The following RALYL variants were observed in gnomAD, a reference collection of about 807,000 sequenced individuals.
The protein encoded by RALYL is RNA-binding Raly-like protein.
A neutral mutation model predicts 35.1 loss-of-function variants in RALYL; 29 were observed. The observed-to-expected ratio is 0.83, with a 90% CI of 0.61 to 1.13. The LOEUF is 1.13. RALYL is among the 50% of genes most tolerant of loss of function. RALYL has a pLI of 0.00. For synonymous variants in RALYL, 120 were observed against 127.6 expected, an observed-to-expected ratio of 0.94 and a Z score of 0.40; for missense variants, 359 against 360.4, an observed-to-expected ratio of 1.00 and a Z score of 0.03.
intron 1 of RALYL, among the ~76,000 whole-genome samples, chr8:84,328,876 G>T (rs1304295925): frequency 1.3e-5 from 2 of 152,156 alleles, no homozygotes; most frequent in East Asian, 3.9e-4. Flanking sequence ...TTCTGTTCCT[G>T]CATTGATTCG....
chr8:84,409,538 A>G (rs946889129), intron 1 of RALYL, among the ~76,000 whole-genome samples: 1 of 152,090 alleles, frequency 6.6e-6, no homozygotes, highest in Non-Finnish European at 1.5e-5. Context: ...CTCATTTAAT[A>G]TAATTGCACT....
At chr8:84,651,164 A>G (rs1828728587) in intron 2 of RALYL, among the ~76,000 whole-genome samples, 1 of 152,070 alleles carries the variant, frequency 6.6e-6, no homozygotes, top group Non-Finnish European at 1.5e-5. Context: ...TGGCACATGT[A>G]TGCATATGTA....
chr8:84,324,633 A>G (rs1374234259), intron 1 of RALYL, among the ~76,000 whole-genome samples: 1 of 151,308 alleles, frequency 6.6e-6, no homozygotes, highest in Non-Finnish European at 1.5e-5. Flanking sequence ...TTTTTTTAAA[A>G]AATTAATTTC....
chr8:84,375,993 C>T (rs113508926), intron 1 of RALYL, among the ~76,000 whole-genome samples: 14 of 151,774 alleles, frequency 9.2e-5, no homozygotes, highest in South Asian at 2.1e-4. Context: ...TAACATTTTC[C>T]GAAAGTGAAA....
intron 1 of RALYL, among the ~76,000 whole-genome samples, chr8:84,221,286 GGTGTGT>G (rs34244361): frequency 6.6e-6 from 1 of 150,574 alleles, no homozygotes; most frequent in African/African-American, 2.4e-5. Flanking sequence ...ATGGAAAGCG[GGTGTGT>G]GTGTGTGTGT....
intron 3 of RALYL, among the ~76,000 whole-genome samples, chr8:84,797,550 GT>G (rs1010954165): frequency 6.6e-6 from 1 of 151,912 alleles, no homozygotes; most frequent in Non-Finnish European, 1.5e-5. Context: ...CAGCCACATT[GT>G]TTTTTTCTAC....
intron 1 of RALYL, among the ~76,000 whole-genome samples, chr8:84,335,444 C>T (rs1043728527): frequency 3.9e-5 from 6 of 151,992 alleles, no homozygotes; most frequent in African/African-American, 1.4e-4. Context: ...GTTTCTTTTC[C>T]CTCAACAGCT....
intron 2 of RALYL, among the ~76,000 whole-genome samples, chr8:84,660,208 A>G (rs1830651396): frequency 6.6e-6 from 1 of 152,130 alleles, no homozygotes; most frequent in Admixed American, 6.5e-5. Flanking sequence ...TTATGTACAT[A>G]AAGTTGAGAA....
chr8:84,283,504 T>C (rs925582049), intron 1 of RALYL, among the ~76,000 whole-genome samples: 2 of 152,122 alleles, frequency 1.3e-5, no homozygotes, highest in African/African-American at 4.8e-5. Context: ...CCTGGAGAGG[T>C]AGCATCCATC....
At chr8:84,316,152 A>T (rs1843710858) in intron 1 of RALYL, among the ~76,000 whole-genome samples, 1 of 152,044 alleles carries the variant, frequency 6.6e-6, no homozygotes, top group Non-Finnish European at 1.5e-5. Flanking sequence ...CTTTACTCTG[A>T]TTTCCCAGAA....
intron 1 of RALYL, among the ~76,000 whole-genome samples, chr8:84,449,078 G>C (rs12548590): frequency 8.0e-6 from 1 of 124,248 alleles, no homozygotes; most frequent in Non-Finnish European, 1.8e-5. Context: ...TAGTTTTTTT[G>C]TTTTTTTTTT....
intron 1 of RALYL, among the ~76,000 whole-genome samples, chr8:84,222,634 G>A (rs1822533388): frequency 6.6e-6 from 1 of 152,130 alleles, no homozygotes; most frequent in Non-Finnish European, 1.5e-5. Context: ...AAATTTATAA[G>A]TAACACTATT....
intron 1 of RALYL, among the ~76,000 whole-genome samples, chr8:84,476,304 A>G (rs1366176216): frequency 6.6e-6 from 1 of 152,202 alleles, no homozygotes; most frequent in Non-Finnish European, 1.5e-5. Flanking sequence ...ATTTCTTGCC[A>G]GTACTTTTAT....
chr8:84,333,710 C>A (rs1011829933), intron 1 of RALYL, among the ~76,000 whole-genome samples: 16 of 152,128 alleles, frequency 1.1e-4, no homozygotes, highest in African/African-American at 3.9e-4. Flanking sequence ...TTGAGTCACA[C>A]AGCTTAGGTG....
intron 2 of RALYL, among the ~76,000 whole-genome samples, chr8:84,552,884 T>A (rs78046348): frequency 0.013 from 1,982 of 152,032 alleles, 40 homozygotes; most frequent in African/African-American, 0.046. Context: ...ATCCTTAAAA[T>A]AAGACAAAGT....
intron 2 of RALYL, among the ~76,000 whole-genome samples, chr8:84,733,846 C>G (rs953305203): frequency 6.6e-6 from 1 of 152,128 alleles, no homozygotes; most frequent in African/African-American, 2.4e-5. Context: ...TCACTATCAG[C>G]CAAGTCCAGA....
At chr8:84,282,987 C>G (rs184829835) in intron 1 of RALYL, among the ~76,000 whole-genome samples, 1 of 151,610 alleles carries the variant, frequency 6.6e-6, no homozygotes, top group East Asian at 1.9e-4. Context: ...TAAGATAATC[C>G]ACATGGAAAT....
chr8:84,617,405 G>A (rs1362798413), intron 2 of RALYL, among the ~76,000 whole-genome samples: 1 of 148,644 alleles, frequency 6.7e-6, no homozygotes, highest in Admixed American at 6.6e-5. Context: ...TCTGTTGTTG[G>A]TGTATAAGAA....
intron 1 of RALYL, among the ~76,000 whole-genome samples, chr8:84,421,525 T>A (rs1461252334): frequency 3.3e-4 from 48 of 143,702 alleles, no homozygotes; most frequent in African/African-American, 6.5e-4. Flanking sequence ...TTTTCCTAAT[T>A]GAATACCCTT....
Sources: gnomAD v4.1 joint callset for allele counts (sites outside exome capture counted in the v4.1 genomes callset) on GRCh38, gnomAD v4.1.1 for gene constraint, MANE v1.5 for transcripts, NCBI Gene and HGNC (gene_info 2026-07-23, HGNC 2026-07-21) for gene names.